PTPRD: variants seen among roughly 807,000 people sequenced by gnomAD.
PTPRD encodes the protein receptor-type tyrosine-protein phosphatase delta.
PTPRD carries 34 observed loss-of-function variants against 214.5 expected under a neutral mutation model. That is an observed-to-expected ratio of 0.16 (90% CI 0.12 to 0.21). The LOEUF (loss-of-function observed/expected upper bound fraction) is 0.21. PTPRD is among the 10% of genes least tolerant of loss of function. PTPRD has a pLI of 1.00. For missense variants in PTPRD, 2,545 were observed against 2,398.7 expected, an observed-to-expected ratio of 1.06 and a Z score of -1.27; for synonymous variants, 1,128 against 845.7, an observed-to-expected ratio of 1.33 and a Z score of -5.79.
At chr9:9,906,308 G>C (rs770650837) in intron 5 of PTPRD, among the ~76,000 whole-genome samples, 1 of 151,884 alleles carries the variant, frequency 6.6e-6, no homozygotes, top group Non-Finnish European at 1.5e-5. Context: ...TTTTTTGTAC[G>C]TATGTGATAC....
At chr9:9,022,693 G>C (rs114595595) in intron 10 of PTPRD, among the ~76,000 whole-genome samples, 183 of 152,272 alleles carry the variant, frequency 1.2e-3, no homozygotes, top group African/African-American at 4.3e-3. Flanking sequence ...GCTTTGCTAA[G>C]ATTTTCAAAG....
At chr9:9,063,389 C>A (rs1411627842) in intron 10 of PTPRD, among the ~76,000 whole-genome samples, 1 of 152,084 alleles carries the variant, frequency 6.6e-6, no homozygotes, top group African/African-American at 2.4e-5. Context: ...CACTGAAATG[C>A]CTACCCTCAT....
rs192741153 is a variant in PTPRD, at chr9:10,412,604, A to G, written c.-599-71587T>C. 2.9e-3 allele frequency among the ~76,000 whole-genome samples: 387 copies of G among 134,106 alleles called. 3 individuals are homozygous for G. The highest frequency in any genetic ancestry group is 0.011 in the African/African-American group (368 of 34,770). 88.0% of individuals were successfully genotyped at this position (134,106 alleles called of 152,430 possible). A position where few individuals can be genotyped will look rare whatever the true frequency, so the allele number is the denominator to read the frequency against. On this transcript the variant is annotated intron_variant, in intron 2 of 45. Coordinates refer to ENST00000381196, the MANE Select transcript of PTPRD (RefSeq NM_002839.4). ...ATCCTGATACCAAAACCTTGCAGATATACACACACGCACGCACACACACAC... is the reference window on the plus strand; with the variant it reads ...ATCCTGATACCAAAACCTTGCAGATGTACACACACGCACGCACACACACAC...
intron 2 of PTPRD, among the ~76,000 whole-genome samples, chr9:10,350,775 A>G (rs374260230): frequency 1.3e-5 from 2 of 152,192 alleles, no homozygotes; most frequent in African/African-American, 4.8e-5. Flanking sequence ...TCTACATTCC[A>G]TCATAAAGCT....
At chr9:9,132,655 G>A (rs1198014371) in intron 10 of PTPRD, among the ~76,000 whole-genome samples, 2 of 152,098 alleles carry the variant, frequency 1.3e-5, no homozygotes, top group Non-Finnish European at 2.9e-5. Flanking sequence ...TAATTAAAAG[G>A]ATGTTTGATT....
chr9:9,299,785 C>T (rs553472710), intron 9 of PTPRD, among the ~76,000 whole-genome samples: 2 of 151,124 alleles, frequency 1.3e-5, no homozygotes, highest in South Asian at 2.1e-4. Flanking sequence ...GGAAAAGACA[C>T]GCATGTGGGA....
At chr9:9,745,291 C>T (rs552773216) in intron 6 of PTPRD, among the ~76,000 whole-genome samples, 5 of 152,028 alleles carry the variant, frequency 3.3e-5, no homozygotes, top group Non-Finnish European at 5.9e-5. Context: ...GTGGACTATG[C>T]TAAATATGAA....
intron 7 of PTPRD, among the ~76,000 whole-genome samples, chr9:9,707,645 A>C (rs1477369810): frequency 6.6e-6 from 1 of 152,168 alleles, no homozygotes; most frequent in Non-Finnish European, 1.5e-5. Flanking sequence ...TTGCCTATGA[A>C]TTATCCAATA....
intron 12 of PTPRD, among the ~76,000 whole-genome samples, chr9:8,728,903 C>A (rs2098621755): frequency 1.3e-5 from 2 of 152,084 alleles, no homozygotes; most frequent in African/African-American, 4.8e-5. Flanking sequence ...TTGCTGGAAC[C>A]CCAGAGGTGG....
At chr9:10,237,016 T>C (rs2099631230) in intron 3 of PTPRD, among the ~76,000 whole-genome samples, 1 of 151,932 alleles carries the variant, frequency 6.6e-6, no homozygotes, top group Non-Finnish European at 1.5e-5. Context: ...TTAATACATG[T>C]CATTATACAT....
chr9:9,449,023 T>C (rs2091353421), intron 8 of PTPRD, among the ~76,000 whole-genome samples: 1 of 152,090 alleles, frequency 6.6e-6, no homozygotes, highest in South Asian at 2.1e-4. Flanking sequence ...TGTCCCTTTA[T>C]GGACCATGTT....
rs4742518 is a variant in PTPRD at position 8,562,056 on chromosome 9, C to T, written c.353-33277G>A. ...AATATCAATTGGAAATGCTGTTAAA[C>T]GGAAACAAATGTAACTGATACATTT... On this transcript the variant is annotated intron_variant, in intron 14 of 45. Transcript: ENST00000381196. 9.2e-3 allele frequency among the ~76,000 whole-genome samples: 1,405 copies of T among 152,152 alleles called. 62 individuals carry two copies. The highest frequency in any genetic ancestry group is 0.073 in the Admixed American group (1,109 of 15,274).
intron 2 of PTPRD, among the ~76,000 whole-genome samples, chr9:10,421,502 C>T (rs933528812): frequency 7.9e-5 from 12 of 151,942 alleles, no homozygotes; most frequent in African/African-American, 2.2e-4. Flanking sequence ...TAATAAAATA[C>T]CATTTCCATT....
rs184642907 is a variant in PTPRD at position 9,725,620 on chromosome 9, T to C, written c.-287+8913A>G. Among the ~76,000 whole-genome samples, 132 of 152,296 alleles carry C rather than the reference T, an allele frequency of 8.7e-4. 2 individuals are homozygous for C. Among genetic ancestry groups the C allele is most frequent in the Non-Finnish European group, 1.0e-4 (7 of 68,030 alleles). The stretch of plus-strand genomic sequence containing the variant: ...ATTCCATTTTTGTCTCATATTCTGG[T>C]TTCTTGAATTTCATTTCCAGATTGA... On this transcript the variant is annotated intron_variant, in intron 7 of 45. Transcript: ENST00000381196.
chr9:8,790,421 T>C (rs1375137302), intron 11 of PTPRD, among the ~76,000 whole-genome samples: 1 of 152,090 alleles, frequency 6.6e-6, no homozygotes, highest in Non-Finnish European at 1.5e-5. Flanking sequence ...GTTTTTTGTT[T>C]TATTTTGTGT....
chr9:8,326,751 T>C (rs1380738235), intron 44 of PTPRD, among the ~76,000 whole-genome samples: 3 of 151,614 alleles, frequency 2.0e-5, no homozygotes, highest in Middle Eastern at 3.2e-3. Context: ...TATTGGTCTA[T>C]GCAGAGATTC....
chr9:9,277,928 T>G (rs2133357917), intron 9 of PTPRD, among the ~76,000 whole-genome samples: 1 of 151,494 alleles, frequency 6.6e-6, no homozygotes, highest in Middle Eastern at 3.4e-3. Flanking sequence ...AGCCCAGTGA[T>G]AAAATATTTT....
chr9:9,893,080 G>C (rs1047992015), intron 5 of PTPRD, among the ~76,000 whole-genome samples: 1 of 151,958 alleles, frequency 6.6e-6, no homozygotes, highest in African/African-American at 2.4e-5. Context: ...TGAAGTTCAG[G>C]AGAGTGCTTC....
intron 14 of PTPRD, among the ~76,000 whole-genome samples, chr9:8,598,422 C>T (rs1003994853): frequency 3.9e-5 from 6 of 151,980 alleles, no homozygotes; most frequent in Non-Finnish European, 8.8e-5. Flanking sequence ...GATCATGCCA[C>T]TGCACTCCAG....
Sources: allele counts gnomAD v4.1 joint callset (sites outside exome capture counted in the v4.1 genomes callset), GRCh38; gene constraint gnomAD v4.1.1; transcripts MANE v1.5; gene names NCBI Gene and HGNC (gene_info 2026-07-23, HGNC 2026-07-21).